The following DCT variants were observed in gnomAD, a reference collection of about 807,000 sequenced individuals.
The protein encoded by DCT is dopachrome tautomerase, also known as L-dopachrome tautomerase.
DCT carries 47 observed loss-of-function variants against 53.0 expected under a neutral mutation model. The ratio of observed to expected loss-of-function variants is 0.89; its 90% CI spans 0.70 to 1.13. The LOEUF is 1.13. Ranked by LOEUF, DCT falls within the 50% of genes most tolerant of loss-of-function variation. DCT has a pLI of 0.00. For missense variants in DCT, 669 were observed against 637.4 expected, an observed-to-expected ratio of 1.05 and a Z score of -0.53; for synonymous variants, 244 against 237.0, an observed-to-expected ratio of 1.03 and a Z score of -0.27.
At chr13:94,445,714 GT>G in intron 6 of DCT, 2 of 1,580,928 alleles carry the variant, frequency 1.3e-6, no homozygotes, top group Non-Finnish European at 8.6e-7. Flanking sequence ...CAGGCTCATG[GT>G]TACCAGCACA....
the DCT span, among the ~76,000 whole-genome samples, chr13:94,492,438 G>A: frequency 6.6e-6 from 1 of 152,184 alleles, no homozygotes; most frequent in Non-Finnish European, 1.5e-5. Flanking sequence ...GCAGGAGATT[G>A]GACACCTCTT....
At chr13:94,544,307 G>T in the DCT span, among the ~76,000 whole-genome samples, 1 of 152,160 alleles carries the variant, frequency 6.6e-6, no homozygotes, top group Non-Finnish European at 1.5e-5. Context: ...TCCATAAACG[G>T]TGACTATCAT....
At position 94,439,821 on chromosome 13, in the gene DCT, T is replaced by G; in HGVS notation, c.*77A>C. On this transcript the variant is annotated 3_prime_UTR_variant, in exon 8 of 8. Transcript: ENST00000377028. ...AGATCTTCAACTCAAGAAGGAACAG[T>G]GAGGATTAGTTCCTTTATTGTCAGC... 8.5e-6 allele frequency: 9 copies of G among 1,061,156 alleles called. No homozygotes were observed. Among genetic ancestry groups the G allele is most frequent in the South Asian group, 1.6e-5 (1 of 61,214 alleles). 65.7% of individuals were successfully genotyped at this position (1,061,156 alleles called of 1,614,324 possible).
At chr13:94,495,917 T>G in the DCT span, among the ~76,000 whole-genome samples, 1 of 152,214 alleles carries the variant, frequency 6.6e-6, no homozygotes, top group African/African-American at 2.4e-5. Flanking sequence ...GCAGGGCTAG[T>G]GAAGCTGCAT....
intron 2 of DCT, chr13:94,467,281 A>G (rs965527857): frequency 6.6e-6 from 1 of 152,230 alleles, no homozygotes; most frequent in Non-Finnish European, 1.5e-5. Context: ...ATTTTAGTGA[A>G]AAGCTCTGGA....
chr13:94,439,942 T>C lies in DCT; in HGVS notation c.1516A>G (p.Met506Val), dbSNP rs1490348640. 5.0e-6 allele frequency: 8 copies of C among 1,613,894 alleles called. No individual in the cohort carries two copies. The highest frequency in any genetic ancestry group is 6.8e-6 in the Non-Finnish European group (8 of 1,179,914). ...CTCTTGCTGCTTAAATGTGTCTCCA[T>C]TAGGGGTGTATATCCTTTTCGAAGT... ...RRLRKGYTPLMETHLSSKRYT... is the reference protein window; with the variant it reads ...RRLRKGYTPLVETHLSSKRYT... The change falls in exon 8 of 8, where the codon ATG (methionine) becomes GTG (valine). Residue 506 changes from methionine (M) to valine (V), a missense_variant. Coordinates refer to ENST00000377028, the MANE Select transcript of DCT (RefSeq NM_001922.5).
intron 6 of DCT, among the ~76,000 whole-genome samples, chr13:94,446,117 A>T (rs1882712485): frequency 6.6e-6 from 1 of 152,202 alleles, no homozygotes; most frequent in African/African-American, 2.4e-5. Flanking sequence ...GCAGCTTGAG[A>T]TGAATAAAAC....
At chr13:94,454,299 T>G (rs543814297) in intron 6 of DCT, among the ~76,000 whole-genome samples, 12 of 152,332 alleles carry the variant, frequency 7.9e-5, no homozygotes, top group African/African-American at 2.9e-4. Context: ...TCACCAAATG[T>G]ACTTTCTAAA....
the DCT span, among the ~76,000 whole-genome samples, chr13:94,489,512 C>A: frequency 2.0e-5 from 3 of 152,180 alleles, no homozygotes; most frequent in African/African-American, 7.2e-5. Context: ...AATTGCCTAG[C>A]AGAATCTGGC....
At chr13:94,547,882 C>T in the DCT span, among the ~76,000 whole-genome samples, 2 of 145,518 alleles carry the variant, frequency 1.4e-5, no homozygotes, top group East Asian at 2.0e-4. Context: ...CCCAGCAACT[C>T]GAGAGGCTGA....
intron 6 of DCT, among the ~76,000 whole-genome samples, chr13:94,451,076 C>T (rs1194952111): frequency 6.6e-6 from 1 of 152,082 alleles, no homozygotes; most frequent in Non-Finnish European, 1.5e-5. Context: ...CAGCCTAGTC[C>T]ATAGAAACAC....
intron 1 of DCT, among the ~76,000 whole-genome samples, chr13:94,472,564 ATATATTTTTTTTTTTTTTTTTT>A (rs1566855472): frequency 1.4e-3 from 26 of 18,002 alleles, no homozygotes; most frequent in Non-Finnish European, 1.5e-3. Flanking sequence ...ATATATATAT[ATATATTTTTTTTTTTTTTTTTT>A]TTTTTTTTTT....
At chr13:94,511,181 T>A in the DCT span, among the ~76,000 whole-genome samples, 3 of 152,144 alleles carry the variant, frequency 2.0e-5, no homozygotes, top group Non-Finnish European at 2.9e-5. Flanking sequence ...AAGGTGCTTA[T>A]CTGTCTCTCC....
chr13:94,514,360 C>A, the DCT span, among the ~76,000 whole-genome samples: 1 of 152,350 alleles, frequency 6.6e-6, no homozygotes, highest in East Asian at 1.9e-4. Flanking sequence ...CTTCATGCAG[C>A]CTGTCTGAAC....
At position 94,443,552 on chromosome 13, in the gene DCT, G is replaced by A. The variant is rs376117872; in HGVS notation, c.1265C>T (p.Ala422Val). 6.2e-7 allele frequency: 1 copy of A among 1,613,686 alleles called. No individual in the cohort carries two copies. The highest frequency in any genetic ancestry group is 8.5e-7 in the Non-Finnish European group (1 of 1,179,640). Residue 422 changes from alanine (A) to valine (V), a missense_variant, in exon 7 of 8, where the codon GCC (alanine) becomes GTC (valine). By Grantham distance (64) the Ala-to-Val change is moderately conservative. Transcript: ENST00000377028. Reference sequence around the variant, plus strand: ...GTACATCCGATTGTGACCAATAGGGGCCAGCTCCTGAGGCCAGGCATCTGC... The same window carrying A: ...GTACATCCGATTGTGACCAATAGGGACCAGCTCCTGAGGCCAGGCATCTGC... The part of the protein sequence containing the change: ...PPADAWPQEL[A>V]PIGHNRMYNM...
chr13:94,514,807 G>A, the DCT span, among the ~76,000 whole-genome samples: 2 of 152,172 alleles, frequency 1.3e-5, no homozygotes, highest in Non-Finnish European at 2.9e-5. Context: ...TGAGGAGCTC[G>A]GCAGATGTAG....
chr13:94,499,009 G>T, the DCT span, among the ~76,000 whole-genome samples: 1 of 152,136 alleles, frequency 6.6e-6, no homozygotes, highest in East Asian at 1.9e-4. Flanking sequence ...GAAGTGGGTG[G>T]GGCCAAATAA....
the DCT span, among the ~76,000 whole-genome samples, chr13:94,513,929 G>A: frequency 7.7e-6 from 1 of 129,458 alleles, no homozygotes; most frequent in Admixed American, 9.0e-5. Context: ...AGAGGTTGCA[G>A]TAAGCCAAGA....
intron 6 of DCT, chr13:94,445,876 A>T: frequency 1.5e-6 from 1 of 686,264 alleles, no homozygotes. Context: ...GAGGCAGGGG[A>T]GAAACTGTGG....
Sources: allele counts gnomAD v4.1 joint callset (sites outside exome capture counted in the v4.1 genomes callset), GRCh38; gene constraint gnomAD v4.1.1; transcripts MANE v1.5; gene names NCBI Gene and HGNC (gene_info 2026-07-23, HGNC 2026-07-21).